SLC14A2: variants seen among roughly 807,000 people sequenced by gnomAD.
SLC14A2 encodes the protein solute carrier family 14 member 2, also known as urea transporter 2.
A neutral mutation model predicts 104.6 loss-of-function variants in SLC14A2; 91 were observed. The observed-to-expected ratio is 0.87, with a 90% CI of 0.73 to 1.04. The LOEUF (loss-of-function observed/expected upper bound fraction) is 1.04. Among genes scored for constraint, SLC14A2 ranks in the 50% least tolerant of loss-of-function variants. SLC14A2 has a pLI of 0.00. For missense variants in SLC14A2, 1,189 were observed against 1,156.0 expected, an observed-to-expected ratio of 1.03 and a Z score of -0.41; for synonymous variants, 476 against 466.4, an observed-to-expected ratio of 1.02 and a Z score of -0.27.
chr18:45,242,718 C>T (rs2084330255), intron 1 of SLC14A2, among the ~76,000 whole-genome samples: 1 of 152,214 alleles, frequency 6.6e-6, no homozygotes, highest in African/African-American at 2.4e-5. Context: ...TACTTAGGGT[C>T]ATATCTCTAT....
intron 1 of SLC14A2, among the ~76,000 whole-genome samples, chr18:45,390,589 C>T (rs1357880764): frequency 1.4e-5 from 1 of 73,180 alleles, no homozygotes; most frequent in Non-Finnish European, 3.4e-5. Flanking sequence ...ATTTTATTAC[C>T]TGAGAGAATA....
chr18:45,369,332 G>C (rs2085698570), intron 1 of SLC14A2, among the ~76,000 whole-genome samples: 1 of 152,106 alleles, frequency 6.6e-6, no homozygotes, highest in African/African-American at 2.4e-5. Context: ...GTTCTCTTCT[G>C]CTTTTCTTAG....
chr18:45,229,740 G>T (rs936889353), intron 1 of SLC14A2, among the ~76,000 whole-genome samples: 1 of 152,152 alleles, frequency 6.6e-6, no homozygotes, highest in African/African-American at 2.4e-5. Context: ...CCACATAGTG[G>T]TCTCAATGGT....
intron 1 of SLC14A2, among the ~76,000 whole-genome samples, chr18:45,417,281 C>G (rs1228329291): frequency 6.6e-6 from 1 of 151,964 alleles, no homozygotes; most frequent in African/African-American, 2.4e-5. Flanking sequence ...TTTCTTTTAC[C>G]TTTTCTTTTT....
chr18:45,237,423 G>A (rs1241654221), intron 1 of SLC14A2, among the ~76,000 whole-genome samples: 1 of 152,168 alleles, frequency 6.6e-6, no homozygotes, highest in Non-Finnish European at 1.5e-5. Flanking sequence ...TGGCTGGACA[G>A]ATCCCAGCAC....
At chr18:45,291,738 C>G (rs180826870) in intron 1 of SLC14A2, among the ~76,000 whole-genome samples, 158 of 152,122 alleles carry the variant, frequency 1.0e-3, no homozygotes, top group Admixed American at 6.5e-3. Context: ...AAGAATGAAT[C>G]CCCCCTCAGC....
At chr18:45,607,663 A>G (rs2044893952) in intron 2 of SLC14A2, among the ~76,000 whole-genome samples, 1 of 152,206 alleles carries the variant, frequency 6.6e-6, no homozygotes, top group African/African-American at 2.4e-5. Flanking sequence ...ACATAAAATG[A>G]TAAACACTTA....
chr18:45,272,878 A>T (rs1182065820), intron 1 of SLC14A2, among the ~76,000 whole-genome samples: 2 of 152,090 alleles, frequency 1.3e-5, no homozygotes, highest in Non-Finnish European at 2.9e-5. Context: ...CCACAAATAT[A>T]TGCACCTACT....
At chr18:45,177,865 C>T in the SLC14A2 span, among the ~76,000 whole-genome samples, 4 of 151,986 alleles carry the variant, frequency 2.6e-5, no homozygotes, top group African/African-American at 7.3e-5. Context: ...AAGGGTAAGC[C>T]GAAGTAAAGA....
At chr18:45,268,608 T>A (rs1188994500) in intron 1 of SLC14A2, among the ~76,000 whole-genome samples, 1 of 152,152 alleles carries the variant, frequency 6.6e-6, no homozygotes, top group Non-Finnish European at 1.5e-5. Flanking sequence ...TCTAAATGTG[T>A]GGTATGTGAG....
intron 1 of SLC14A2, among the ~76,000 whole-genome samples, chr18:45,419,083 A>G (rs917735354): frequency 6.6e-6 from 1 of 152,226 alleles, no homozygotes; most frequent in African/African-American, 2.4e-5. Flanking sequence ...GAAAAAAGTG[A>G]TAAATGTTTC....
chr18:45,168,892 A>G, the SLC14A2 span: 4 of 152,174 alleles, frequency 2.6e-5, no homozygotes, highest in Non-Finnish European at 4.4e-5. Context: ...TGGATATTTT[A>G]ATTCTTGTGT....
chr18:45,228,517 T>C (rs566021898), intron 1 of SLC14A2, among the ~76,000 whole-genome samples: 2 of 152,150 alleles, frequency 1.3e-5, no homozygotes, highest in Non-Finnish European at 2.9e-5. Flanking sequence ...ACAGAGTTCA[T>C]GTCCAGGTGA....
intron 1 of SLC14A2, among the ~76,000 whole-genome samples, chr18:45,265,710 G>C (rs192475736): frequency 4.7e-4 from 71 of 152,204 alleles, no homozygotes; most frequent in Non-Finnish European, 8.4e-4. Flanking sequence ...AGTAAAAGGT[G>C]CTTCAGGAAT....
intron 1 of SLC14A2, among the ~76,000 whole-genome samples, chr18:45,430,226 C>G (rs1035410748): frequency 1.3e-5 from 2 of 152,096 alleles, no homozygotes; most frequent in Admixed American, 1.3e-4. Flanking sequence ...GGTAGCTTTC[C>G]CCAAATCACA....
chr18:45,405,805 A>G (rs1195489602), intron 1 of SLC14A2, among the ~76,000 whole-genome samples: 1 of 151,240 alleles, frequency 6.6e-6, no homozygotes, highest in African/African-American at 2.4e-5. Flanking sequence ...AGGCTGAGGC[A>G]GGAGAATTGC....
rs774340609 is a variant in SLC14A2 at position 45,505,719 on chromosome 18, C to T, written c.-35+22397C>T. ...CGTGAGAACTCAGCTTCTCAGGAGA[C>T]GCTGACATTTTAATTGGAAGCATCT... is the stretch of plus-strand genomic sequence containing the variant. On this transcript the variant is annotated intron_variant, in intron 2 of 20. Coordinates refer to the SLC14A2 transcript ENST00000586448. Among the ~76,000 whole-genome samples the T allele has an allele frequency of 3.9e-5, 6 of 152,308 alleles. No homozygotes were observed. The South Asian group carries it at 8.3e-4, about 21-fold the overall frequency.
chr18:45,406,671 A>T (rs2086158258), intron 1 of SLC14A2, among the ~76,000 whole-genome samples: 1 of 152,186 alleles, frequency 6.6e-6, no homozygotes, highest in Non-Finnish European at 1.5e-5. Context: ...TTACTCCTTG[A>T]TCCATAACTC....
chr18:45,410,550 T>C (rs1052455801), intron 1 of SLC14A2, among the ~76,000 whole-genome samples: 1 of 152,314 alleles, frequency 6.6e-6, no homozygotes, highest in Admixed American at 6.5e-5. Flanking sequence ...AAACTGTTTA[T>C]TGGGCACTCA....
Sources: allele counts gnomAD v4.1 joint callset (sites outside exome capture counted in the v4.1 genomes callset), GRCh38; gene constraint gnomAD v4.1.1; transcripts MANE v1.5; gene names NCBI Gene and HGNC (gene_info 2026-07-23, HGNC 2026-07-21).